The following AUTS2 variants were observed in gnomAD, a reference collection of about 807,000 sequenced individuals.
The protein encoded by AUTS2 is autism susceptibility gene 2 protein.
In AUTS2, 17 loss-of-function variants were observed where a neutral mutation model predicts 112.4. That is an observed-to-expected ratio of 0.15 (90% CI 0.10 to 0.23). AUTS2 has a LOEUF of 0.23. Ranked by LOEUF, AUTS2 falls within the 10% of genes least tolerant of loss-of-function variation. The pLI, the probability that AUTS2 is intolerant of heterozygous loss-of-function variation, is 1.00. For missense variants in AUTS2, 1,510 were observed against 1,701.6 expected, an observed-to-expected ratio of 0.89 and a Z score of 1.98; for synonymous variants, 751 against 702.7, an observed-to-expected ratio of 1.07 and a Z score of -1.09.
At chr7:70,543,225 G>A (rs1800625494) in intron 5 of AUTS2, among the ~76,000 whole-genome samples, 1 of 152,158 alleles carries the variant, frequency 6.6e-6, no homozygotes, top group African/African-American at 2.4e-5. Flanking sequence ...TTTAAGGAAG[G>A]GTGTGGTGGC....
At chr7:69,771,863 C>T (rs1327252346) in intron 1 of AUTS2, among the ~76,000 whole-genome samples, 2 of 151,598 alleles carry the variant, frequency 1.3e-5, no homozygotes, top group Admixed American at 6.6e-5. Context: ...CGGCTCACTG[C>T]AACCTCCACC....
chr7:70,373,585 T>A (rs1028266077), intron 4 of AUTS2, among the ~76,000 whole-genome samples: 1 of 152,198 alleles, frequency 6.6e-6, no homozygotes. Flanking sequence ...CTGGCATCAG[T>A]GGGCAGTTAT....
intron 4 of AUTS2, among the ~76,000 whole-genome samples, chr7:70,168,109 T>C (rs556677668): frequency 6.6e-6 from 1 of 152,368 alleles, no homozygotes; most frequent in Admixed American, 6.5e-5. Context: ...TGAAGCTTTC[T>C]GATACATTAT....
intron 6 of AUTS2, among the ~76,000 whole-genome samples, chr7:70,758,357 T>C (rs60973903): frequency 0.016 from 2,444 of 152,270 alleles, 74 homozygotes; most frequent in African/African-American, 0.056. Context: ...TTTGTTATTT[T>C]GCTAAACCTC....
intron 1 of AUTS2, among the ~76,000 whole-genome samples, chr7:69,674,822 T>C (rs10257587): frequency 0.076 from 11,572 of 151,934 alleles, 594 homozygotes; most frequent in African/African-American, 0.14. Context: ...GGGAAAAGAG[T>C]AGTCAAGCTG....
At chr7:70,280,066 A>G (rs968629878) in intron 4 of AUTS2, among the ~76,000 whole-genome samples, 12 of 152,084 alleles carry the variant, frequency 7.9e-5, no homozygotes, top group African/African-American at 2.4e-4. Context: ...CTGCCTCACA[A>G]GATTATGGGG....
At chr7:70,569,952 G>C (rs543457258) in intron 5 of AUTS2, among the ~76,000 whole-genome samples, 1 of 151,728 alleles carries the variant, frequency 6.6e-6, no homozygotes, top group African/African-American at 2.4e-5. Flanking sequence ...AAAACTCTTC[G>C]GCAGCTAACG....
chr7:70,433,203 C>T (rs1397437755), intron 4 of AUTS2, among the ~76,000 whole-genome samples: 1 of 152,194 alleles, frequency 6.6e-6, no homozygotes, highest in East Asian at 1.9e-4. Context: ...CAGGGACATA[C>T]TGCCGTTAGG....
intron 1 of AUTS2, among the ~76,000 whole-genome samples, chr7:69,822,575 T>G (rs1020048899): frequency 3.3e-5 from 5 of 152,214 alleles, no homozygotes; most frequent in African/African-American, 1.2e-4. Flanking sequence ...GTTGTTGATC[T>G]TGGCAGAAGT....
intron 2 of AUTS2, among the ~76,000 whole-genome samples, chr7:70,047,395 T>A (rs902536325): frequency 3.3e-5 from 5 of 152,202 alleles, no homozygotes; most frequent in Non-Finnish European, 5.9e-5. Context: ...AGCACAGTGC[T>A]GTATTAAATA....
intron 5 of AUTS2, among the ~76,000 whole-genome samples, chr7:70,525,694 CA>C (rs1239044857): frequency 6.6e-6 from 1 of 152,102 alleles, no homozygotes; most frequent in African/African-American, 2.4e-5. Context: ...TTGGCAGGAC[CA>C]AAACTGAGCA....
At chr7:70,741,001 A>G (rs1039645157) in intron 6 of AUTS2, among the ~76,000 whole-genome samples, 1 of 151,744 alleles carries the variant, frequency 6.6e-6, no homozygotes, top group Admixed American at 6.6e-5. Context: ...GGGTGAGGCA[A>G]GAGAATTGCT....
chr7:69,900,464 C>G (rs549357199), intron 2 of AUTS2, among the ~76,000 whole-genome samples: 12 of 152,192 alleles, frequency 7.9e-5, no homozygotes, highest in Admixed American at 3.9e-4. Context: ...GTTCCCAAAC[C>G]ACACAGATCT....
At chr7:69,889,942 C>T (rs1794445949) in intron 1 of AUTS2, among the ~76,000 whole-genome samples, 1 of 152,104 alleles carries the variant, frequency 6.6e-6, no homozygotes, top group African/African-American at 2.4e-5. Context: ...ACGTTATTGC[C>T]CTAAGCCCTC....
chr7:69,837,922 T>A (rs1440287553), intron 1 of AUTS2, among the ~76,000 whole-genome samples: 1 of 152,184 alleles, frequency 6.6e-6, no homozygotes, highest in East Asian at 1.9e-4. Flanking sequence ...CGGATCTCTG[T>A]TGAGCAGCAG....
chr7:70,112,874 A>G (rs959340250), intron 2 of AUTS2, among the ~76,000 whole-genome samples: 3 of 152,068 alleles, frequency 2.0e-5, no homozygotes, highest in Admixed American at 6.5e-5. Context: ...TATTATTATC[A>G]GAACACTTTG....
chr7:70,096,262 G>A (rs1804192130), intron 2 of AUTS2, among the ~76,000 whole-genome samples: 2 of 152,076 alleles, frequency 1.3e-5, no homozygotes, highest in South Asian at 4.2e-4. Context: ...ATCATCACAT[G>A]TACCCTGAAA....
chr7:70,663,022 A>G (rs1807149416), intron 5 of AUTS2, among the ~76,000 whole-genome samples: 1 of 152,238 alleles, frequency 6.6e-6, no homozygotes, highest in Non-Finnish European at 1.5e-5. Context: ...TTTTACAGAT[A>G]GAAGATAGTA....
At chr7:70,139,458 G>A (rs999414622) in intron 4 of AUTS2, among the ~76,000 whole-genome samples, 2 of 152,076 alleles carry the variant, frequency 1.3e-5, no homozygotes, top group South Asian at 2.1e-4. Flanking sequence ...AACAAAAGAC[G>A]TCATTCTACT....
Sources: gnomAD v4.1 joint callset for allele counts (sites outside exome capture counted in the v4.1 genomes callset) on GRCh38, gnomAD v4.1.1 for gene constraint, MANE v1.5 for transcripts, NCBI Gene and HGNC (gene_info 2026-07-23, HGNC 2026-07-21) for gene names.